Variants in UBL3 observed in about 807,000 individuals in gnomAD.
UBL3 encodes the protein ubiquitin like 3.
UBL3 carries 6 observed loss-of-function variants against 18.4 expected under a neutral mutation model. The observed-to-expected ratio is 0.33, with a 90% CI of 0.18 to 0.64. The LOEUF (loss-of-function observed/expected upper bound fraction) is 0.64, where lower values mean the gene tolerates loss of function less well. Ranked by LOEUF, UBL3 falls within the 30% of genes least tolerant of loss-of-function variation. UBL3 has a pLI of 0.76. For synonymous variants in UBL3, 49 were observed against 46.6 expected (o/e 1.05, Z -0.21); for missense variants, 109 against 142.9 (o/e 0.76, Z 1.21).
At chr13:29,847,134 A>C (rs1879247752) in intron 1 of UBL3, among the ~76,000 whole-genome samples, 1 of 152,246 alleles carries the variant, frequency 6.6e-6, no homozygotes, top group South Asian at 2.1e-4. Flanking sequence ...AATTCTAGGC[A>C]CATAGCAAAT....
intron 1 of UBL3, among the ~76,000 whole-genome samples, chr13:29,784,216 A>G (rs1237290533): frequency 6.6e-6 from 1 of 152,120 alleles, no homozygotes; most frequent in Non-Finnish European, 1.5e-5. Context: ...GTCAGGATGG[A>G]AAAAAATGAC....
chr13:29,812,136 C>T lies in UBL3; in HGVS notation c.28-34873G>A, dbSNP rs192377966. Among the ~76,000 whole-genome samples the T allele has an allele frequency of 1.9e-3, 290 of 152,174 alleles. 1 individual carries two copies. The highest frequency in any genetic ancestry group is 6.6e-3 in the African/African-American group (274 of 41,552). On this transcript the variant is annotated intron_variant, in intron 1 of 4. Coordinates refer to ENST00000380680, the MANE Select transcript of UBL3 (RefSeq NM_007106.4). ...CCTCTCCAAGCCACACGGTTTAAGT[C>T]TTGAAGTCCACAATTCTCTGAATGT...
At chr13:29,835,163 T>TATAA (rs1878925340) in intron 1 of UBL3, among the ~76,000 whole-genome samples, 3 of 54,800 alleles carry the variant, frequency 5.5e-5, no homozygotes, top group Non-Finnish European at 9.6e-5. Flanking sequence ...TATATATATA[T>TATAA]ATATATATAT....
intron 2 of UBL3, among the ~76,000 whole-genome samples, chr13:29,774,352 GT>G (rs2139309156): frequency 6.6e-6 from 1 of 151,988 alleles, no homozygotes; most frequent in African/African-American, 2.4e-5. Context: ...CTTGTGTTAT[GT>G]TTTCTATAAT....
rs576825742 is a variant in UBL3, at chr13:29,846,689, AC to A, written c.27+2822del. On this transcript the variant is annotated intron_variant, in intron 1 of 4. Transcript: ENST00000380680. ...TCTATTGGAAACATGATAGGGGTTAACTTCACCACTCCATCCCATCTCCCCA... is the reference window on the plus strand; with the variant it reads ...TCTATTGGAAACATGATAGGGGTTAATTCACCACTCCATCCCATCTCCCCA... Among the ~76,000 whole-genome samples, 32 of 152,292 alleles carry A rather than the reference AC, an allele frequency of 2.1e-4. No homozygotes were observed. The South Asian group carries it at 6.2e-3, about 30-fold the overall frequency.
chr13:29,775,533 A>G (rs537612837), intron 2 of UBL3, among the ~76,000 whole-genome samples: 6 of 152,360 alleles, frequency 3.9e-5, no homozygotes, highest in South Asian at 4.1e-4. Context: ...GAAAAAAATC[A>G]TATCACTATG....
Position 29,796,538 on chromosome 13 carries a change from T to C in UBL3, c.28-19275A>G, listed in dbSNP as rs548470824. ...CAACCTTAAATTCTCATAAATGTTA[T>C]GGTACTACAAATAAACTTATAAGCA... is the stretch of plus-strand genomic sequence containing the variant. On this transcript the variant is annotated intron_variant, in intron 1 of 4. Transcript: ENST00000380680. 3.9e-5 allele frequency among the ~76,000 whole-genome samples: 6 copies of C among 152,328 alleles called. No homozygotes were observed. The South Asian group carries it at 8.3e-4, about 21-fold the overall frequency.
intron 1 of UBL3, among the ~76,000 whole-genome samples, chr13:29,789,857 AATG>A (rs1208022534): frequency 1.3e-5 from 2 of 152,230 alleles, no homozygotes; most frequent in African/African-American, 4.8e-5. Context: ...GGAATGTAAG[AATG>A]ACTCCCCCTT....
At chr13:29,806,342 C>T (rs188325653) in intron 1 of UBL3, among the ~76,000 whole-genome samples, 59 of 152,276 alleles carry the variant, frequency 3.9e-4, no homozygotes, top group African/African-American at 1.2e-3. Flanking sequence ...TATTGATTGA[C>T]TTACTTTTAC....
intron 1 of UBL3, among the ~76,000 whole-genome samples, chr13:29,809,251 G>C (rs1385351069): frequency 6.6e-6 from 1 of 152,126 alleles, no homozygotes; most frequent in Non-Finnish European, 1.5e-5. Flanking sequence ...GAGGGAGCTT[G>C]AGAAAGGGAT....
At chr13:29,828,335 T>C (rs1168284682) in intron 1 of UBL3, among the ~76,000 whole-genome samples, 1 of 152,182 alleles carries the variant, frequency 6.6e-6, no homozygotes, top group Non-Finnish European at 1.5e-5. Context: ...GTAGATTTGG[T>C]CTATTCACAT....
At chr13:29,784,836 C>T (rs1264137566) in intron 1 of UBL3, among the ~76,000 whole-genome samples, 2 of 21,074 alleles carry the variant, frequency 9.5e-5, no homozygotes, top group Non-Finnish European at 2.5e-4. Context: ...CACATACACA[C>T]ATGCACACAC....
chr13:29,833,013 G>A (rs1878821384), intron 1 of UBL3, among the ~76,000 whole-genome samples: 1 of 152,186 alleles, frequency 6.6e-6, no homozygotes, highest in Admixed American at 6.5e-5. Flanking sequence ...GAAAGATTAT[G>A]GACAAGCAGG....
chr13:29,824,698 C>G (rs1593670133), intron 1 of UBL3, among the ~76,000 whole-genome samples: 1 of 152,124 alleles, frequency 6.6e-6, no homozygotes, highest in African/African-American at 2.4e-5. Context: ...TGTGCAGAAG[C>G]TCTTTAGTTT....
At position 29,821,584 on chromosome 13, in the gene UBL3, A is replaced by C. The variant is rs569283226; in HGVS notation, c.27+27928T>G. Among the ~76,000 whole-genome samples the C allele has an allele frequency of 1.6e-3, 243 of 152,340 alleles. 1 individual carries two copies. The highest frequency in any genetic ancestry group is 5.0e-3 in the South Asian group (24 of 4,834). ...GGAACATGAAGACATTCTCATTTCC[A>C]AAAGAACATGCTAACTTCTTTGGTT... On this transcript the variant is annotated intron_variant, in intron 1 of 4. Transcript: ENST00000380680.
chr13:29,844,934 C>G (rs959065714), intron 1 of UBL3, among the ~76,000 whole-genome samples: 2 of 16,606 alleles, frequency 1.2e-4, no homozygotes, highest in African/African-American at 3.1e-4. Context: ...TACTACGGAA[C>G]AATATTTATT....
intron 1 of UBL3, among the ~76,000 whole-genome samples, chr13:29,841,079 C>T (rs951174172): frequency 6.6e-6 from 1 of 152,072 alleles, no homozygotes; most frequent in Non-Finnish European, 1.5e-5. Flanking sequence ...ATCATAAGAA[C>T]ATTTTGTCTA....
intron 1 of UBL3, among the ~76,000 whole-genome samples, chr13:29,783,338 T>C (rs1213688573): frequency 8.5e-5 from 13 of 152,260 alleles, no homozygotes; most frequent in Non-Finnish European, 1.5e-5. Flanking sequence ...ACTAGGTTAA[T>C]AGATATAGAC....
In UBL3 at chr13:29,799,100, C is replaced by A. The variant is rs141773399; in HGVS notation, c.28-21837G>T. Among the ~76,000 whole-genome samples the A allele has an allele frequency of 2.8e-3, 421 of 152,254 alleles. 2 individuals carry two copies. The highest frequency in any genetic ancestry group is 9.6e-3 in the African/African-American group (399 of 41,534). ...ACTGATATTTTAGACCAGATAAATT[C>A]TTCATTTGGGTAGTGGGGGGAGCTG... is the stretch of plus-strand genomic sequence containing the variant. On this transcript the variant is annotated intron_variant, in intron 1 of 4. Transcript: ENST00000380680.
Sources: allele counts gnomAD v4.1 joint callset (sites outside exome capture counted in the v4.1 genomes callset), GRCh38; gene constraint gnomAD v4.1.1; transcripts MANE v1.5; gene names NCBI Gene and HGNC (gene_info 2026-07-23, HGNC 2026-07-21).